SPIDR: variants seen among roughly 807,000 people sequenced by gnomAD.
SPIDR encodes DNA repair-scaffolding protein.
Under a neutral mutation model 104.6 loss-of-function variants are expected in SPIDR, and 93 were observed. That is an observed-to-expected ratio of 0.89 (90% CI 0.75 to 1.06). SPIDR has a LOEUF of 1.06. SPIDR is among the 50% of genes least tolerant of loss of function. The pLI is 0.00. For synonymous variants in SPIDR, 431 were observed against 416.9 expected, an observed-to-expected ratio of 1.03 and a Z score of -0.41; for missense variants, 1,154 against 1,111.2, an observed-to-expected ratio of 1.04 and a Z score of -0.55.
In SPIDR at chr8:47,712,944, C is replaced by T. The variant is rs758879618; in HGVS notation, c.2188+72C>T. ...GCCCATAGAATACCTCTTGTGGCCT[C>T]TGGATGCCTCCTTGTTGCTTGGACG... On this transcript the variant is annotated intron_variant, in intron 15 of 19. Coordinates refer to ENST00000297423, the MANE Select transcript of SPIDR (RefSeq NM_001080394.4). 13 of 1,588,466 alleles carry T rather than the reference C, an allele frequency of 8.2e-6. No individual in the cohort carries two copies. The South Asian group carries it at 1.2e-4, about 15-fold the overall frequency.
chr8:47,522,200 A>C (rs1404830926), intron 8 of SPIDR, among the ~76,000 whole-genome samples: 2 of 151,856 alleles, frequency 1.3e-5, no homozygotes, highest in African/African-American at 2.4e-5. Flanking sequence ...AAAAGAAAAA[A>C]AGAAACATGA....
At chr8:47,635,103 A>T (rs1287875752) in intron 10 of SPIDR, among the ~76,000 whole-genome samples, 2 of 152,090 alleles carry the variant, frequency 1.3e-5, no homozygotes, top group Non-Finnish European at 2.9e-5. Flanking sequence ...TTATAGGCTG[A>T]GTGCGGTGGC....
At chr8:47,375,343 G>A (rs1284507490) in intron 5 of SPIDR, among the ~76,000 whole-genome samples, 1 of 132,674 alleles carries the variant, frequency 7.5e-6, no homozygotes, top group Admixed American at 9.4e-5. Flanking sequence ...CCAGCTTCAA[G>A]CAGTTCTCCT....
chr8:47,603,179 G>A (rs1445344759), intron 10 of SPIDR, among the ~76,000 whole-genome samples: 2 of 150,556 alleles, frequency 1.3e-5, no homozygotes, highest in Admixed American at 6.6e-5. Context: ...CAGAAAGGGA[G>A]CACTGGCCTT....
intron 10 of SPIDR, among the ~76,000 whole-genome samples, chr8:47,644,671 C>T (rs1417804664): frequency 1.3e-5 from 2 of 152,066 alleles, no homozygotes; most frequent in Admixed American, 1.3e-4. Flanking sequence ...TGAGATAATA[C>T]TCAAAAAGCA....
At chr8:47,348,886 G>A (rs982932473) in intron 5 of SPIDR, among the ~76,000 whole-genome samples, 6 of 152,050 alleles carry the variant, frequency 3.9e-5, no homozygotes, top group Non-Finnish European at 8.8e-5. Context: ...CCTTACGATG[G>A]GTTTAAACAT....
intron 8 of SPIDR, chr8:47,592,071 AT>A: frequency 3.5e-6 from 4 of 1,142,270 alleles, no homozygotes; most frequent in Non-Finnish European, 5.2e-6. Context: ...GACTGTGTCC[AT>A]TAAATGCAAA....
chr8:47,366,503 G>C (rs1484230435), intron 5 of SPIDR, among the ~76,000 whole-genome samples: 2 of 152,212 alleles, frequency 1.3e-5, no homozygotes, highest in Admixed American at 1.3e-4. Context: ...TGTTTCTAAT[G>C]ATTCTGCTCT....
At chr8:47,353,395 TC>T (rs1554623770) in intron 5 of SPIDR, among the ~76,000 whole-genome samples, 2 of 152,186 alleles carry the variant, frequency 1.3e-5, no homozygotes, top group African/African-American at 4.8e-5. Flanking sequence ...TCTAGGGCTT[TC>T]CACGGAAGTG....
intron 1 of SPIDR, among the ~76,000 whole-genome samples, chr8:47,277,893 C>G (rs1274921307): frequency 6.6e-6 from 1 of 151,804 alleles, no homozygotes; most frequent in Non-Finnish European, 1.5e-5. Flanking sequence ...TCAGGCTGGT[C>G]TTAACTCCTG....
At chr8:47,337,962 CACCTT>C (rs1473894357) in intron 5 of SPIDR, among the ~76,000 whole-genome samples, 1 of 152,178 alleles carries the variant, frequency 6.6e-6, no homozygotes, top group East Asian at 1.9e-4. Context: ...ATGTCAGTTT[CACCTT>C]ACCTTAATTA....
intron 8 of SPIDR, among the ~76,000 whole-genome samples, chr8:47,524,498 C>T (rs1044426881): frequency 6.6e-5 from 10 of 152,178 alleles, no homozygotes; most frequent in African/African-American, 2.4e-4. Context: ...CCTGTACTCT[C>T]CTGACCACCC....
chr8:47,496,056 A>G (rs1037614911), intron 8 of SPIDR, among the ~76,000 whole-genome samples: 18 of 152,212 alleles, frequency 1.2e-4, no homozygotes, highest in Non-Finnish European at 1.9e-4. Context: ...ATCTTGTATC[A>G]TATAAACTTG....
intron 8 of SPIDR, among the ~76,000 whole-genome samples, chr8:47,574,480 G>A (rs1021313888): frequency 5.9e-5 from 9 of 152,018 alleles, no homozygotes; most frequent in South Asian, 4.1e-4. Context: ...TCTACAGGCC[G>A]GATGTGGTGG....
At chr8:47,732,570 G>A (rs2085439448) in intron 19 of SPIDR, 1 of 219,814 alleles carries the variant, frequency 4.5e-6, no homozygotes, top group South Asian at 7.5e-5. Context: ...TCCATGCCCA[G>A]CTCTATTCAC....
In SPIDR at chr8:47,279,936, C is replaced by G; in HGVS notation, c.108C>G (p.Leu36=). Residue 36 remains leucine (L), a synonymous_variant, in exon 2 of 20, where the codon CTC becomes CTG. Coordinates refer to ENST00000297423, the MANE Select transcript of SPIDR (RefSeq NM_001080394.4). ...ERPLQVRRAG[L]RTAGAAASLS... ...CACTGCAGGTCAGAAGAGCAGGTCT[C>G]AGGACAGCAGGGGCAGCTGCCTCTC... The G allele has an allele frequency of 6.2e-7, 1 of 1,614,152 alleles. No homozygotes were observed. The highest frequency in any genetic ancestry group is 8.5e-7 in the Non-Finnish European group (1 of 1,180,012).
intron 5 of SPIDR, among the ~76,000 whole-genome samples, chr8:47,316,040 AAT>A (rs1458306380): frequency 4.6e-5 from 7 of 152,222 alleles, no homozygotes; most frequent in Admixed American, 6.5e-5. Flanking sequence ...ACATGAAGAA[AAT>A]AATAGCAAAA....
At chr8:47,303,531 G>A (rs910763569) in intron 5 of SPIDR, among the ~76,000 whole-genome samples, 8 of 152,272 alleles carry the variant, frequency 5.3e-5, no homozygotes, top group South Asian at 4.1e-4. Context: ...CGTCTTCTGC[G>A]TCACTCACGC....
intron 5 of SPIDR, among the ~76,000 whole-genome samples, chr8:47,355,891 G>A (rs1323324839): frequency 2.6e-5 from 4 of 152,204 alleles, no homozygotes; most frequent in East Asian, 1.9e-4. Flanking sequence ...CCACTTCCCC[G>A]TGGTGGCTCT....
Sources: allele counts gnomAD v4.1 joint callset (sites outside exome capture counted in the v4.1 genomes callset), GRCh38; gene constraint gnomAD v4.1.1; transcripts MANE v1.5; gene names NCBI Gene and HGNC (gene_info 2026-07-23, HGNC 2026-07-21).